The following USP6NL variants were observed in gnomAD, a reference collection of about 807,000 sequenced individuals.
USP6NL encodes USP6 N-terminal-like protein.
In USP6NL, 26 loss-of-function variants were observed where a neutral mutation model predicts 61.9. The observed-to-expected ratio is 0.42, with a 90% CI of 0.31 to 0.58. The LOEUF is 0.58. Among genes scored for constraint, USP6NL ranks in the 20% least tolerant of loss-of-function variants. USP6NL has a pLI of 0.16. For synonymous variants in USP6NL, 432 were observed against 390.1 expected (o/e 1.11, Z -1.27); for missense variants, 1,114 against 1,034.3 (o/e 1.08, Z -1.06).
rs1195165528 is a variant in USP6NL, at chr10:11,540,546, G to A, written c.5-12979C>T. ...GAATTGCAAGTATGTGCAGTTATATGCACTACAATAAAAGTTTGTGTTGAA... is the reference window on the plus strand; with the variant it reads ...GAATTGCAAGTATGTGCAGTTATATACACTACAATAAAAGTTTGTGTTGAA... On this transcript the variant is annotated intron_variant, in intron 2 of 14. Coordinates refer to ENST00000609104, the MANE Select transcript of USP6NL (RefSeq NM_014688.5). This position sits in a 1 kb window ranked among gnomAD's most constrained non-coding sequence, Gnocchi z 5.0. Among the ~76,000 whole-genome samples, 1 of 152,106 alleles carries A rather than the reference G, an allele frequency of 6.6e-6. No homozygotes were observed. The highest frequency in any genetic ancestry group is 1.5e-5 in the Non-Finnish European group (1 of 68,018).
chr10:11,579,290 T>G (rs1437854046), intron 2 of USP6NL, among the ~76,000 whole-genome samples: 2 of 152,204 alleles, frequency 1.3e-5, no homozygotes, highest in African/African-American at 2.4e-5. Context: ...GGAAAAATCT[T>G]TCAAACCACA....
chr10:11,479,992 C>T (rs964253242), intron 14 of USP6NL, among the ~76,000 whole-genome samples: 4 of 152,128 alleles, frequency 2.6e-5, no homozygotes, highest in East Asian at 1.9e-4. Context: ...GACAGGCAGG[C>T]GATGAAAGGC....
At chr10:11,515,323 T>C (rs953621337) in intron 5 of USP6NL, among the ~76,000 whole-genome samples, 4 of 152,250 alleles carry the variant, frequency 2.6e-5, no homozygotes, top group Non-Finnish European at 4.4e-5. Flanking sequence ...AGCCTTCTCT[T>C]GTAGAATAAG....
In USP6NL at chr10:11,476,098, T is replaced by C. The variant is rs893754440; in HGVS notation, c.1078+5672A>G. ...TGAAGAGGGGGGAAGAGGAAAGGTG[T>C]ACTGCTCCCTGTCAAGCGACTTAAG... On this transcript the variant is annotated intron_variant, in intron 14 of 14. Transcript: ENST00000609104. This position sits in a 1 kb window ranked among gnomAD's most constrained non-coding sequence, Gnocchi z 4.3. Among the ~76,000 whole-genome samples the C allele has an allele frequency of 2.0e-5, 3 of 152,196 alleles. No individual in the cohort carries two copies. The highest frequency in any genetic ancestry group is 3.4e-3 in the Middle Eastern group (1 of 294).
intron 2 of USP6NL, among the ~76,000 whole-genome samples, chr10:11,538,540 C>T (rs1030187942): frequency 2.0e-5 from 3 of 152,080 alleles, no homozygotes; most frequent in African/African-American, 7.2e-5. Context: ...TAAAAAGTTA[C>T]TAAAAATTAA....
At position 11,495,395 on chromosome 10, in the gene USP6NL, G is replaced by C. The variant is rs546646445; in HGVS notation, c.385-2167C>G. Among the ~76,000 whole-genome samples, 1 of 152,136 alleles carries C rather than the reference G, an allele frequency of 6.6e-6. No individual in the cohort carries two copies. The highest frequency in any genetic ancestry group is 2.4e-5 in the African/African-American group (1 of 41,516). ...TATACTGGAACAGCTCGTGTCCTCG[G>C]TCTCTTGCCTCAGCACCTGGATGGC... On this transcript the variant is annotated intron_variant, in intron 7 of 14. Coordinates refer to ENST00000609104, the MANE Select transcript of USP6NL (RefSeq NM_014688.5). The surrounding 1 kb of genome is among the most constrained non-coding windows in gnomAD (Gnocchi z 4.6).
Position 11,468,038 on chromosome 10 carries a change from C to CA in USP6NL, c.1079-4190dup, listed in dbSNP as rs1302602153. ...CAATTCATTAAATGAGCAATCTTACCAAAAAACAAAGTCAGATTAATCAAG... is the reference window on the plus strand; with the variant it reads ...CAATTCATTAAATGAGCAATCTTACCAAAAAAACAAAGTCAGATTAATCAAG... On this transcript the variant is annotated intron_variant, in intron 14 of 14. Transcript: ENST00000609104. This position sits in a 1 kb window ranked among gnomAD's most constrained non-coding sequence, Gnocchi z 4.5. Among the ~76,000 whole-genome samples, 5 of 152,022 alleles carry CA rather than the reference C, an allele frequency of 3.3e-5. No individual in the cohort carries two copies. The highest frequency in any genetic ancestry group is 2.6e-4 in the Admixed American group (4 of 15,264).
chr10:11,598,852 C>CA lies in USP6NL; in HGVS notation c.-83-1136dup, dbSNP rs1295656373. Among the ~76,000 whole-genome samples the CA allele has an allele frequency of 6.6e-6, 1 of 152,222 alleles. No homozygotes were observed. The highest frequency in any genetic ancestry group is 1.9e-4 in the East Asian group (1 of 5,200). On this transcript the variant is annotated intron_variant, in intron 1 of 14. Transcript: ENST00000609104. This position sits in a 1 kb window ranked among gnomAD's most constrained non-coding sequence, Gnocchi z 4.7. ...AAGTATTTCATTTGCAGAATGAAAA[C>CA]AGACTGCATCAGCACTTACGTGCCC...
intron 2 of USP6NL, among the ~76,000 whole-genome samples, chr10:11,541,092 G>A (rs768450901): frequency 6.6e-6 from 1 of 151,498 alleles, no homozygotes; most frequent in African/African-American, 2.4e-5. Flanking sequence ...CCTGAACTGC[G>A]TTATATGTAT....
intron 1 of USP6NL, among the ~76,000 whole-genome samples, chr10:11,599,143 T>A (rs1838425056): frequency 6.6e-6 from 1 of 152,220 alleles, no homozygotes; most frequent in African/African-American, 2.4e-5. Flanking sequence ...TTTAGATTTG[T>A]TTTCCTGCCT....
intron 1 of USP6NL, among the ~76,000 whole-genome samples, chr10:11,605,093 A>C (rs995927380): frequency 7.9e-5 from 12 of 152,330 alleles, no homozygotes; most frequent in African/African-American, 2.9e-4. Flanking sequence ...TCAAACAGCT[A>C]ACAAGACAGT....
intron 4 of USP6NL, among the ~76,000 whole-genome samples, chr10:11,521,070 C>T (rs1835185294): frequency 6.6e-6 from 1 of 152,116 alleles, no homozygotes; most frequent in Non-Finnish European, 1.5e-5. Flanking sequence ...TATTACTAAT[C>T]GGAGTTTATG....
At chr10:11,483,606 AGGGGGAG>A (rs1566124329) in intron 13 of USP6NL, among the ~76,000 whole-genome samples, 1 of 5,950 alleles carries the variant, frequency 1.7e-4, no homozygotes, top group East Asian at 0.011. Context: ...GGGAGGGGGG[AGGGGGAG>A]AGGGGGGGAG....
chr10:11,590,448 T>C (rs564426752), intron 2 of USP6NL, among the ~76,000 whole-genome samples: 10 of 152,322 alleles, frequency 6.6e-5, no homozygotes, highest in East Asian at 5.8e-4. Flanking sequence ...CCAGATACTA[T>C]TGTAAAAACT....
At chr10:11,582,702 T>C (rs1446061473) in intron 2 of USP6NL, among the ~76,000 whole-genome samples, 1 of 152,160 alleles carries the variant, frequency 6.6e-6, no homozygotes, top group African/African-American at 2.4e-5. Flanking sequence ...TTGAAAATAT[T>C]TTATCAAATG....
Position 11,463,293 on chromosome 10 carries a change from G to GC in USP6NL, c.1634dup (p.Ser546LeufsTer40). On this transcript the variant is annotated frameshift_variant, in exon 15 of 15. Coordinates refer to ENST00000609104, the MANE Select transcript of USP6NL (RefSeq NM_014688.5). LOFTEE classifies it low-confidence loss of function (END_TRUNC). This position sits in a 1 kb window ranked among gnomAD's most constrained non-coding sequence, Gnocchi z 6.3. The stretch of plus-strand genomic sequence containing the variant: ...CGTTGTCGTACTGCGATGCAGTGGA[G>GC]CCCCGCTTCCCGTCCTCAGCATCCA... 6.2e-7 allele frequency: 1 copy of GC among 1,613,860 alleles called. No individual in the cohort carries two copies. The highest frequency in any genetic ancestry group is 1.1e-5 in the South Asian group (1 of 91,082).
Position 11,461,203 on chromosome 10 carries a change from T to G in USP6NL, c.*1238A>C, listed in dbSNP as rs1226943991. 6.6e-6 allele frequency: 1 copy of G among 152,442 alleles called. No individual in the cohort carries two copies. The highest frequency in any genetic ancestry group is 2.4e-5 in the African/African-American group (1 of 41,378). The allele number at this position is 152,442 out of a possible 1,614,324, so 9.4% of individuals were successfully genotyped here. A position where few individuals can be genotyped will look rare whatever the true frequency, so the allele number is the denominator to read the frequency against. On this transcript the variant is annotated 3_prime_UTR_variant, in exon 15 of 15. Coordinates refer to ENST00000609104, the MANE Select transcript of USP6NL (RefSeq NM_014688.5). ...TTTGTCAGTGTTTTGGTATCTGTAG[T>G]GTAACAGAATATTTTTTAAAGACAT... is the stretch of plus-strand genomic sequence containing the variant.
At chr10:11,568,470 T>C (rs1189848933) in intron 2 of USP6NL, among the ~76,000 whole-genome samples, 1 of 152,182 alleles carries the variant, frequency 6.6e-6, no homozygotes, top group African/African-American at 2.4e-5. Flanking sequence ...CATATCCGTG[T>C]TTCACCTTAG....
chr10:11,473,334 A>AACTATTAGAAC (rs1012996674), intron 14 of USP6NL, among the ~76,000 whole-genome samples: 5 of 152,238 alleles, frequency 3.3e-5, no homozygotes, highest in African/African-American at 1.2e-4. Flanking sequence ...TAATAGAGAC[A>AACTATTAGAAC]TGACTGACAG....
Sources: gnomAD v4.1 joint callset for allele counts (sites outside exome capture counted in the v4.1 genomes callset) on GRCh38, gnomAD v4.1.1 for gene constraint, Gnocchi (gnomAD v3.1) non-coding constraint, MANE v1.5 for transcripts, NCBI Gene and HGNC (gene_info 2026-07-23, HGNC 2026-07-21) for gene names.